Variants in SLIT2 observed in about 807,000 individuals in gnomAD.
SLIT2 encodes slit homolog 2 protein.
A neutral mutation model predicts 185.7 loss-of-function variants in SLIT2; 41 were observed. That is an observed-to-expected ratio of 0.22 (90% CI 0.17 to 0.29). The LOEUF is 0.29. Ranked by LOEUF, SLIT2 falls within the 10% of genes least tolerant of loss-of-function variation. SLIT2 has a pLI of 1.00. For synonymous variants in SLIT2, 693 were observed against 680.2 expected (o/e 1.02, Z -0.29); for missense variants, 1,571 against 1,909.0 (o/e 0.82, Z 3.30).
intron 4 of SLIT2, among the ~76,000 whole-genome samples, chr4:20,400,918 A>T (rs1481287751): frequency 6.6e-6 from 1 of 151,836 alleles, no homozygotes; most frequent in Non-Finnish European, 1.5e-5. Context: ...TTTTATACAG[A>T]TATAACTGAA....
chr4:20,616,003 TC>T (rs1729619062), intron 34 of SLIT2: 2 of 152,350 alleles, frequency 1.3e-5, no homozygotes, highest in African/African-American at 2.4e-5. Context: ...GAAAGATTCT[TC>T]CGTTTTGCCA....
chr4:20,408,991 A>C (rs1217292539), intron 4 of SLIT2, among the ~76,000 whole-genome samples: 1 of 149,806 alleles, frequency 6.7e-6, no homozygotes, highest in African/African-American at 2.5e-5. Flanking sequence ...ATTTGCATGT[A>C]ATTTCTGTAG....
chr4:20,496,732 C>G (rs558165904), intron 9 of SLIT2, among the ~76,000 whole-genome samples: 52 of 152,132 alleles, frequency 3.4e-4, no homozygotes, highest in African/African-American at 1.2e-3. Flanking sequence ...GATGACCCAG[C>G]AAAAAATCTA....
intron 4 of SLIT2, among the ~76,000 whole-genome samples, chr4:20,416,945 T>G (rs1727734524): frequency 6.7e-6 from 1 of 148,394 alleles, no homozygotes; most frequent in African/African-American, 2.5e-5. Flanking sequence ...GCCAATTTTT[T>G]AAAACTGCTA....
chr4:20,378,931 T>C (rs1223439255), intron 4 of SLIT2, among the ~76,000 whole-genome samples: 2 of 152,072 alleles, frequency 1.3e-5, no homozygotes, highest in Non-Finnish European at 2.9e-5. Flanking sequence ...TGTGAAACCA[T>C]GGAAAGACAT....
intron 9 of SLIT2, among the ~76,000 whole-genome samples, chr4:20,503,773 G>A (rs1000950734): frequency 2.0e-5 from 3 of 152,160 alleles, no homozygotes; most frequent in East Asian, 1.9e-4. Flanking sequence ...ATTTACACTC[G>A]GGAATGTATT....
chr4:20,291,442 A>C (rs1715804569), intron 4 of SLIT2, among the ~76,000 whole-genome samples: 1 of 109,584 alleles, frequency 9.1e-6, no homozygotes, highest in Non-Finnish European at 1.8e-5. Flanking sequence ...GCTCCTAAGA[A>C]ACCTCATATA....
intron 3 of SLIT2, among the ~76,000 whole-genome samples, chr4:20,265,625 T>C (rs1712957078): frequency 6.6e-6 from 1 of 151,886 alleles, no homozygotes; most frequent in Non-Finnish European, 1.5e-5. Flanking sequence ...AGTACTGCAA[T>C]TCAGAGAAGA....
chr4:20,402,498 C>T (rs1026942508), intron 4 of SLIT2, among the ~76,000 whole-genome samples: 1 of 151,642 alleles, frequency 6.6e-6, no homozygotes, highest in Non-Finnish European at 1.5e-5. Flanking sequence ...TGTAAGTTGT[C>T]TATATTCAGT....
Position 20,542,485 on chromosome 4 carries a change from G to T in SLIT2, c.2144-9G>T. On this transcript the variant is annotated splice_polypyrimidine_tract_variant and intron_variant, in intron 20 of 36. Transcript: ENST00000504154. ...ATCTTGGTTTTCCTGTATTTCCTCTGCGATTTAGGAAATGATGACAATAGT... is the reference window on the plus strand; with the variant it reads ...ATCTTGGTTTTCCTGTATTTCCTCTTCGATTTAGGAAATGATGACAATAGT... 1 of 1,612,772 alleles carries T rather than the reference G, an allele frequency of 6.2e-7. No homozygotes were observed. The highest frequency in any genetic ancestry group is 8.5e-7 in the Non-Finnish European group (1 of 1,179,298).
At chr4:20,594,250 CAT>C (rs2148955451) in intron 30 of SLIT2, among the ~76,000 whole-genome samples, 1 of 147,892 alleles carries the variant, frequency 6.8e-6, no homozygotes, top group African/African-American at 2.5e-5. Context: ...TATACATATA[CAT>C]ATACATACAC....
At chr4:20,458,727 A>G (rs1713363771) in intron 4 of SLIT2, among the ~76,000 whole-genome samples, 1 of 152,318 alleles carries the variant, frequency 6.6e-6, no homozygotes, top group South Asian at 2.1e-4. Context: ...TTGAGAAACA[A>G]CAGAGCAAGT....
intron 26 of SLIT2, among the ~76,000 whole-genome samples, chr4:20,557,771 T>C (rs527853911): frequency 2.0e-5 from 3 of 152,186 alleles, no homozygotes; most frequent in Admixed American, 6.6e-5. Flanking sequence ...GAAATCCTTC[T>C]GGAAAAGATT....
At chr4:20,308,778 T>C (rs1203424010) in intron 4 of SLIT2, among the ~76,000 whole-genome samples, 1 of 152,170 alleles carries the variant, frequency 6.6e-6, no homozygotes, top group Non-Finnish European at 1.5e-5. Flanking sequence ...ATTTTAAATA[T>C]ATCAATATAT....
chr4:20,368,219 C>CAAAAAAAAAAAAAAAAAAAAAAAAAAA (rs71653879), intron 4 of SLIT2, among the ~76,000 whole-genome samples: 16 of 107,382 alleles, frequency 1.5e-4, no homozygotes, highest in South Asian at 3.2e-4. Flanking sequence ...CACAAAATAG[C>CAAAAAAAAAAAAAAAAAAAAAAAAAAA]AAAAAAAAAA....
rs1198870336 is a variant in SLIT2 at position 20,472,462 on chromosome 4, ATATC to A, written c.467+4643_467+4646del. ...GATATATATCTATATAGATATATCT[ATATC>A]TATATATAGATATATATCTATATAT... On this transcript the variant is annotated intron_variant, in intron 5 of 36. Transcript: ENST00000504154. Among the ~76,000 whole-genome samples, 3 of 57,700 alleles carry A rather than the reference ATATC, an allele frequency of 5.2e-5. 1 individual carries two copies. Among genetic ancestry groups the A allele is most frequent in the African/African-American group, 7.5e-5 (1 of 13,408 alleles). 37.9% of individuals were successfully genotyped at this position (57,700 alleles called of 152,430 possible).
At chr4:20,549,284 C>T (rs979512936) in intron 24 of SLIT2, among the ~76,000 whole-genome samples, 156 bp downstream of exon 24, 11 of 152,060 alleles carry the variant, frequency 7.2e-5, no homozygotes, top group Non-Finnish European at 1.2e-4. Flanking sequence ...TCATTTCTTA[C>T]AGTATCATTG....
intron 4 of SLIT2, among the ~76,000 whole-genome samples, chr4:20,423,620 C>T (rs1315846500): frequency 1.3e-5 from 2 of 152,076 alleles, no homozygotes; most frequent in Non-Finnish European, 2.9e-5. Flanking sequence ...TTGATTCTCA[C>T]AATTTCACAT....
chr4:20,253,674 A>G lies in SLIT2; in HGVS notation c.-142A>G, dbSNP rs537541025. 5.3e-6 allele frequency: 5 copies of G among 952,146 alleles called. No homozygotes were observed. In the African/African-American group the frequency reaches 8.1e-5, roughly 16 times the overall value. 59.0% of individuals were successfully genotyped at this position (952,146 alleles called of 1,614,324 possible). A position where few individuals can be genotyped will look rare whatever the true frequency, so the allele number is the denominator to read the frequency against. On this transcript the variant is annotated 5_prime_UTR_variant, in exon 1 of 37. Transcript: ENST00000504154. The stretch of plus-strand genomic sequence containing the variant: ...TGAGTGGGCTCTACTGCCTTGTTCC[A>G]TATTATTTGGTGCACATTTTCCCTG...
Sources: gnomAD v4.1 joint callset for allele counts (sites outside exome capture counted in the v4.1 genomes callset) on GRCh38, gnomAD v4.1.1 for gene constraint, MANE v1.5 for transcripts, NCBI Gene and HGNC (gene_info 2026-07-23, HGNC 2026-07-21) for gene names.